SPEG: variants seen among roughly 807,000 people sequenced by gnomAD.
SPEG encodes striated muscle enriched protein kinase.
SPEG carries 114 observed loss-of-function variants against 300.4 expected under a neutral mutation model. That is an observed-to-expected ratio of 0.38 (90% confidence interval 0.33 to 0.44). The LOEUF is 0.44. SPEG is among the 20% of genes least tolerant of loss of function. The pLI is 1.00. For missense variants in SPEG, 4,201 were observed against 4,586.2 expected (o/e 0.92, Z 2.43); for synonymous variants, 1,964 against 2,018.9 (o/e 0.97, Z 0.73).
Position 219,488,739 on chromosome 2 carries a change from G to A in SPEG, c.8027-39G>A, listed in dbSNP as rs374551813. 1.4e-3 allele frequency: 2,279 copies of A among 1,612,334 alleles called. 3 individuals are homozygous for A. The highest frequency in any genetic ancestry group is 1.6e-3 in the Non-Finnish European group (1,938 of 1,179,172). On this transcript the variant is annotated intron_variant, in intron 33 of 40. Coordinates refer to ENST00000312358, the MANE Select transcript of SPEG (RefSeq NM_005876.5). ...CAGGGCTTGAGGGGTTCTTAGCTAG[G>A]GTATAGGGGCTCACTGGGACTCTTC...
At position 219,444,761 on chromosome 2, in the gene SPEG, C is replaced by T. The variant is rs773650227; in HGVS notation, c.478+19C>T. ...CCCACGGGTGAGCTCCTGGGGTGTACAAAGAGCAGGCAGGCGGGTTTTCCA... is the reference window on the plus strand; with the variant it reads ...CCCACGGGTGAGCTCCTGGGGTGTATAAAGAGCAGGCAGGCGGGTTTTCCA... On this transcript the variant is annotated intron_variant, in intron 2 of 40. Coordinates refer to ENST00000312358, the MANE Select transcript of SPEG (RefSeq NM_005876.5). This position sits in a 1 kb window ranked among gnomAD's most constrained non-coding sequence, Gnocchi z 7.8. 4 of 1,613,412 alleles carry T rather than the reference C, an allele frequency of 2.5e-6. No individual in the cohort carries two copies. Among genetic ancestry groups the T allele is most frequent in the South Asian group, 2.2e-5 (2 of 91,040 alleles).
chr2:219,446,836 G>A (rs976530863), intron 3 of SPEG, among the ~76,000 whole-genome samples: 2 of 152,138 alleles, frequency 1.3e-5, no homozygotes, highest in Admixed American at 6.5e-5. Context: ...ACCTCACAGG[G>A]CTGTTGTGAG....
intron 38 of SPEG, among the ~76,000 whole-genome samples, chr2:219,491,584 C>G (rs1693977336): frequency 6.6e-6 from 1 of 152,192 alleles, no homozygotes; most frequent in South Asian, 2.1e-4. Context: ...CATTTTGTGC[C>G]TGGGTTAATT....
chr2:219,487,279 G>A (rs1332989588), intron 31 of SPEG, among the ~76,000 whole-genome samples: 32 of 152,228 alleles, frequency 2.1e-4, no homozygotes, highest in Admixed American at 2.0e-3. Flanking sequence ...CCACCAGCTA[G>A]CTGTGAAGGC....
chr2:219,471,804 A>G, intron 13 of SPEG, 64 bp from the exon 14 acceptor site: 2 of 1,599,314 alleles, frequency 1.3e-6, no homozygotes, highest in African/African-American at 1.3e-5. Flanking sequence ...CCGGGATGGC[A>G]TGGGCCTACC....
intron 9 of SPEG, chr2:219,465,808 T>G: frequency 5.1e-6 from 3 of 591,104 alleles, no homozygotes; most frequent in Non-Finnish European, 9.2e-6. Context: ...TGTGCGTGCA[T>G]GTGTGCGTGT....
In SPEG at chr2:219,448,681, A is replaced by C. The variant is rs1689504979; in HGVS notation, c.1523A>C (p.Glu508Ala). Residue 508 changes from glutamate (E) to alanine (A), a missense_variant, in exon 4 of 41, where the codon GAG (glutamate) becomes GCG (alanine). By Grantham distance (107) the Glu-to-Ala change is moderately radical. Around this residue, in one of 4 missense-constraint regions of SPEG, gnomAD observed 1,258 missense variants for 1,293.9 expected, o/e 0.97. Transcript: ENST00000312358. The stretch of plus-strand genomic sequence containing the variant: ...CGCATCCGCCGCTCCACGTCGCGGG[A>C]GGAGCTGGTGCGCTCGCACGAGTCC... ...LGRIRRSTSR[E>A]ELVRSHESLR... is the part of the protein sequence containing the mutation. The C allele has an allele frequency of 6.7e-7, 1 of 1,492,782 alleles. No homozygotes were observed. Among genetic ancestry groups the C allele is most frequent in the African/African-American group, 1.5e-5 (1 of 68,446 alleles). 92.5% of individuals were successfully genotyped at this position (1,492,782 alleles called of 1,614,324 possible). A position where few individuals can be genotyped will look rare whatever the true frequency, so the allele number is the denominator to read the frequency against.
chr2:219,483,505 C>G lies in SPEG; in HGVS notation c.6042C>G (p.Ser2014Arg), dbSNP rs1413778616. The G allele has an allele frequency of 1.4e-6, 2 of 1,422,412 alleles. No homozygotes were observed. The highest frequency in any genetic ancestry group is 1.8e-6 in the Non-Finnish European group (2 of 1,099,378). 88.1% of individuals were successfully genotyped at this position (1,422,412 alleles called of 1,614,324 possible). A position where few individuals can be genotyped will look rare whatever the true frequency, so the allele number is the denominator to read the frequency against. ...SPRRGELRRG[S>R]SAESALPRAG... is the part of the protein sequence containing the mutation. ...GGCGGGGAGAGCTCCGCAGGGGCAGCTCGGCTGAGAGCGCCCTGCCCCGGG... is the reference window on the plus strand; with the variant it reads ...GGCGGGGAGAGCTCCGCAGGGGCAGGTCGGCTGAGAGCGCCCTGCCCCGGG... The change falls in exon 30 of 41, where the codon AGC (serine) becomes AGG (arginine). Residue 2014 changes from serine to arginine, a missense_variant. Ser to Arg is a moderately radical substitution (Grantham distance 110, BLOSUM62 -1). Coordinates refer to ENST00000312358, the MANE Select transcript of SPEG (RefSeq NM_005876.5).
chr2:219,489,242 TG>T, intron 35 of SPEG, 21 bp downstream of exon 35: 1 of 1,613,208 alleles, frequency 6.2e-7, no homozygotes, highest in South Asian at 1.1e-5. Context: ...TGGTATGGGG[TG>T]GGAGGAGGAA....
chr2:219,443,810 C>G lies in SPEG; in HGVS notation c.389-843C>G, dbSNP rs1274978633. On this transcript the variant is annotated intron_variant, in intron 1 of 40. Transcript: ENST00000312358. The surrounding 1 kb of genome is among the most constrained non-coding windows in gnomAD (Gnocchi z 4.6). Reference sequence around the variant, plus strand: ...CAGCACCAGTAAGTGCCAAGGATACCAGAACCACTGGGGCAGCTGGAATAA... The same window carrying G: ...CAGCACCAGTAAGTGCCAAGGATACGAGAACCACTGGGGCAGCTGGAATAA... The G allele has an allele frequency of 2.7e-6, 1 of 375,570 alleles. No individual in the cohort carries two copies. Among genetic ancestry groups the G allele is most frequent in the Non-Finnish European group, 5.3e-6 (1 of 187,354 alleles). 23.3% of individuals were successfully genotyped at this position (375,570 alleles called of 1,614,324 possible). A position where few individuals can be genotyped will look rare whatever the true frequency, so the allele number is the denominator to read the frequency against.
At chr2:219,483,063 G>A in intron 29 of SPEG, 35 bp from the exon 30 acceptor site, 2 of 1,579,530 alleles carry the variant, frequency 1.3e-6, no homozygotes, top group African/African-American at 1.3e-5. Flanking sequence ...TGCCCCAGGG[G>A]TCCCTCAGGT....
In SPEG at chr2:219,469,298, A is replaced by G. The variant is rs1338659330; in HGVS notation, c.3634A>G (p.Thr1212Ala). ...AKEAMLECQV[T>A]GLPYPTISWF... Reference sequence around the variant, plus strand: ...GGAGGCCATGCTAGAGTGCCAGGTGACCGGCCTGCCCTACCCCACCATCAG... The same window carrying G: ...GGAGGCCATGCTAGAGTGCCAGGTGGCCGGCCTGCCCTACCCCACCATCAG... Residue 1212 changes from threonine (T) to alanine (A), a missense_variant, in exon 13 of 41, where the codon ACC becomes GCC. Thr to Ala is a moderately conservative substitution (Grantham distance 58, BLOSUM62 0). Coordinates refer to ENST00000312358, the MANE Select transcript of SPEG (RefSeq NM_005876.5). The G allele has an allele frequency of 6.2e-7, 1 of 1,613,858 alleles. No individual in the cohort carries two copies. Among genetic ancestry groups the G allele is most frequent in the East Asian group, 2.2e-5 (1 of 44,888 alleles).
At chr2:219,466,251 G>A (rs1010270826) in intron 9 of SPEG, 1 of 1,434,858 alleles carries the variant, frequency 7.0e-7, no homozygotes, top group Non-Finnish European at 9.1e-7. Context: ...GGCCCCTGTG[G>A]ACCCTCCCTC....
chr2:219,458,377 T>C lies in SPEG; in HGVS notation c.2441-3505T>C, dbSNP rs941235925. 6.6e-6 allele frequency among the ~76,000 whole-genome samples: 1 copy of C among 151,660 alleles called. No homozygotes were observed. Among genetic ancestry groups the C allele is most frequent in the Non-Finnish European group, 1.5e-5 (1 of 67,976 alleles). On this transcript the variant is annotated intron_variant, in intron 6 of 40. Coordinates refer to ENST00000312358, the MANE Select transcript of SPEG (RefSeq NM_005876.5). This position sits in a 1 kb window ranked among gnomAD's most constrained non-coding sequence, Gnocchi z 4.2. The stretch of plus-strand genomic sequence containing the variant: ...CAGCAGCATCAGCATCACCTGAGTA[T>C]GTGTTAGAAATGCAGTTTCTTTTTT...
intron 6 of SPEG, among the ~76,000 whole-genome samples, chr2:219,457,766 CCTTA>C: frequency 6.6e-6 from 1 of 152,194 alleles, no homozygotes; most frequent in East Asian, 1.9e-4. Flanking sequence ...ATGCTCCACT[CCTTA>C]CTTCTTTACC....
In SPEG at chr2:219,468,961, C is replaced by T. The variant is rs55670811; in HGVS notation, c.3404C>T (p.Ala1135Val). The T allele has an allele frequency of 8.7e-6, 14 of 1,613,856 alleles. No individual in the cohort carries two copies. Among genetic ancestry groups the T allele is most frequent in the Middle Eastern group, 3.3e-4 (2 of 6,084 alleles). ...GGCAGCGAGGACGAGGGGCTCTATG[C>T]GGTCAGTGCTGTTAACACCCATGGC... ...HVGSEDEGLY[A>V]VSAVNTHGQA... The change falls in exon 12 of 41, where the codon GCG (alanine) becomes GTG (valine). Residue 1135 changes from alanine (A) to valine (V), a missense_variant. Ala to Val is a moderately conservative substitution (Grantham distance 64). This residue lies in a region of SPEG where 1,047 missense variants were observed against 1,356.8 expected (regional missense o/e 0.77). Transcript: ENST00000312358.
intron 13 of SPEG, among the ~76,000 whole-genome samples, chr2:219,470,287 T>A (rs966596615): frequency 3.6e-4 from 50 of 140,466 alleles, no homozygotes; most frequent in African/African-American, 1.1e-3. Context: ...AAGAAAGGAC[T>A]GTCTGACCCT....
In SPEG at chr2:219,488,768, C is replaced by T. The variant is rs1033816303; in HGVS notation, c.8027-10C>T. ...TAGGGGCTCACTGGGACTCTTCTTTCTCTTGCCAGGAGTCCCAGGAAAGCT... is the reference window on the plus strand; with the variant it reads ...TAGGGGCTCACTGGGACTCTTCTTTTTCTTGCCAGGAGTCCCAGGAAAGCT... On this transcript the variant is annotated splice_polypyrimidine_tract_variant and intron_variant, in intron 33 of 40. Coordinates refer to ENST00000312358, the MANE Select transcript of SPEG (RefSeq NM_005876.5). 4 of 1,609,234 alleles carry T rather than the reference C, an allele frequency of 2.5e-6. No individual in the cohort carries two copies. In the African/African-American group the frequency reaches 5.3e-5, roughly 22 times the overall value.
chr2:219,458,778 G>A lies in SPEG; in HGVS notation c.2441-3104G>A, dbSNP rs1690398800. Among the ~76,000 whole-genome samples the A allele has an allele frequency of 6.6e-6, 1 of 152,216 alleles. No individual in the cohort carries two copies. Among genetic ancestry groups the A allele is most frequent in the Non-Finnish European group, 1.5e-5 (1 of 68,048 alleles). On this transcript the variant is annotated intron_variant, in intron 6 of 40. Transcript: ENST00000312358. This position sits in a 1 kb window ranked among gnomAD's most constrained non-coding sequence, Gnocchi z 4.2. ...CATGTGCCTAAGAGTCATCTGGGGT[G>A]CTTTTTAAAATGCAGTTTCCTGACA...
Sources: allele counts gnomAD v4.1 joint callset (sites outside exome capture counted in the v4.1 genomes callset), GRCh38; gene constraint gnomAD v4.1.1; regional missense constraint gnomAD v4.1.1; non-coding constraint Gnocchi (gnomAD v3.1); transcripts MANE v1.5; gene names NCBI Gene and HGNC (gene_info 2026-07-23, HGNC 2026-07-21).